Variants in CYTH1 observed in about 807,000 individuals in gnomAD.
CYTH1 encodes the protein cytohesin 1.
Under a neutral mutation model 61.8 loss-of-function variants are expected in CYTH1, and 18 were observed. That is an observed-to-expected ratio of 0.29 (90% CI 0.20 to 0.43). The LOEUF (loss-of-function observed/expected upper bound fraction) is 0.43. Ranked by LOEUF, CYTH1 falls within the 20% of genes least tolerant of loss-of-function variation. The probability of loss-of-function intolerance (pLI) is 1.00; values close to 1 mark genes in which losing one functional copy is unlikely to be tolerated. For synonymous variants in CYTH1, 174 were observed against 184.3 expected (o/e 0.94, Z 0.45); for missense variants, 336 against 510.5 (o/e 0.66, Z 3.29).
chr17:78,675,643 AAT>A lies in CYTH1; in HGVS notation c.*446_*447del. ...CTACGTTCTCTCTTAAAAAAAAAAA[AAT>A]AGATCTTTATAGTATGTGGCTTCTC... On this transcript the variant is annotated 3_prime_UTR_variant, in exon 14 of 14. Transcript: ENST00000446868. The A allele has an allele frequency of 8.8e-6, 3 of 339,604 alleles. No individual in the cohort carries two copies. Among genetic ancestry groups the A allele is most frequent in the East Asian group, 4.6e-5 (1 of 21,806 alleles). 21.0% of individuals were successfully genotyped at this position (339,604 alleles called of 1,614,324 possible).
intron 1 of CYTH1, among the ~76,000 whole-genome samples, chr17:78,710,189 G>A (rs763913872): frequency 6.6e-6 from 1 of 152,162 alleles, no homozygotes; most frequent in Admixed American, 6.5e-5. Context: ...GCAAAGCAAC[G>A]TGTACGAACA....
intron 13 of CYTH1, chr17:78,676,792 CAGCAG>C: frequency 2.8e-6 from 1 of 357,332 alleles, no homozygotes; most frequent in South Asian, 2.1e-5. Flanking sequence ...GCCTCAAAGA[CAGCAG>C]CGCAGGCCGC....
At chr17:78,721,352 TAC>T (rs2093227020) in intron 1 of CYTH1, among the ~76,000 whole-genome samples, 1 of 152,102 alleles carries the variant, frequency 6.6e-6, no homozygotes, top group Non-Finnish European at 1.5e-5. Context: ...TAAAAAAATT[TAC>T]ACACACTACC....
intron 2 of CYTH1, 96 bp downstream of exon 2, chr17:78,709,554 G>A: frequency 7.8e-7 from 1 of 1,287,408 alleles, no homozygotes; most frequent in East Asian, 2.3e-5. Flanking sequence ...GGTCAAAAGT[G>A]TCTTGAGGAG....
chr17:78,699,348 AGT>A (rs1030669609), intron 7 of CYTH1, among the ~76,000 whole-genome samples: 27 of 151,708 alleles, frequency 1.8e-4, no homozygotes, highest in African/African-American at 6.5e-4. Flanking sequence ...TGGGCGACAG[AGT>A]GAGACTCCAT....
At chr17:78,686,970 G>A (rs1208532792) in intron 11 of CYTH1, among the ~76,000 whole-genome samples, 4 of 151,782 alleles carry the variant, frequency 2.6e-5, no homozygotes, top group African/African-American at 9.7e-5. Flanking sequence ...TAGTAGAGAC[G>A]GGGTTTCTCC....
chr17:78,676,328 T>A (rs968907163), intron 13 of CYTH1, 159 bp from the exon 14 acceptor site: 13 of 652,202 alleles, frequency 2.0e-5, no homozygotes, highest in Non-Finnish European at 3.4e-5. Context: ...CCTTGCTGTG[T>A]CCACACAGTG....
chr17:78,705,013 G>A (rs1181853421), intron 3 of CYTH1, among the ~76,000 whole-genome samples: 1 of 152,132 alleles, frequency 6.6e-6, no homozygotes, highest in Non-Finnish European at 1.5e-5. Flanking sequence ...TAAAATGATT[G>A]TCTAATCATT....
chr17:78,753,347 G>A (rs994314481), intron 1 of CYTH1, among the ~76,000 whole-genome samples: 1 of 151,952 alleles, frequency 6.6e-6, no homozygotes, highest in South Asian at 2.1e-4. Context: ...TCACAAGGCC[G>A]GTGCCACAGG....
chr17:78,731,544 G>A (rs2093294046), intron 1 of CYTH1, among the ~76,000 whole-genome samples: 1 of 152,060 alleles, frequency 6.6e-6, no homozygotes, highest in Non-Finnish European at 1.5e-5. Context: ...CAGATCACGA[G>A]GTCAGGAGAT....
chr17:78,690,490 G>T (rs2092872462), intron 11 of CYTH1, among the ~76,000 whole-genome samples: 1 of 144,696 alleles, frequency 6.9e-6, no homozygotes, highest in African/African-American at 2.6e-5. Context: ...GACCAGCCTG[G>T]CCAACATGGT....
chr17:78,763,021 G>A (rs767812131), intron 1 of CYTH1, among the ~76,000 whole-genome samples: 2 of 152,088 alleles, frequency 1.3e-5, no homozygotes, highest in Non-Finnish European at 2.9e-5. Flanking sequence ...ATGTCCGTCC[G>A]GCTGCTTTCT....
rs956684229 is a variant in CYTH1 at position 78,700,531 on chromosome 17, C to CT, written c.438-89dup. On this transcript the variant is annotated intron_variant, in intron 6 of 13. Transcript: ENST00000446868. This position sits in a 1 kb window ranked among gnomAD's most constrained non-coding sequence, Gnocchi z 5.1. ...TTAAACTGCCAATGATTTTTTTTTT[C>CT]TTTTTTTTTTTGAGATGGAGTCTCA... The CT allele has an allele frequency of 0.057, 45,706 of 798,464 alleles. No individual in the cohort carries two copies. The highest frequency in any genetic ancestry group is 0.077 in the East Asian group (1,964 of 25,450). The allele number at this position is 798,464 out of a possible 1,614,324, so 49.5% of individuals were successfully genotyped here.
At chr17:78,742,953 C>G (rs1330663208) in intron 1 of CYTH1, among the ~76,000 whole-genome samples, 1 of 152,188 alleles carries the variant, frequency 6.6e-6, no homozygotes, top group East Asian at 1.9e-4. Context: ...GCCAACTAGA[C>G]AGACATAATG....
chr17:78,701,637 T>G, intron 6 of CYTH1, 34 bp downstream of exon 6: 2 of 1,602,276 alleles, frequency 1.2e-6, no homozygotes, highest in Non-Finnish European at 8.6e-7. Flanking sequence ...AGCCTCCCAC[T>G]CCTTCCAAAG....
At chr17:78,778,665 A>C (rs1445590160) in intron 1 of CYTH1, among the ~76,000 whole-genome samples, 1 of 151,044 alleles carries the variant, frequency 6.6e-6, no homozygotes, top group Non-Finnish European at 1.5e-5. Context: ...AAAAAAAGAA[A>C]GAAAAAGTTT....
rs2092967161 is a variant in CYTH1 at position 78,698,251 on chromosome 17, A to C, written c.811+18T>G. ...CTAAGTCTCAGCTTTAGGAGCCCTG[A>C]CTCAGAGGTGCGCTTACCGAGTTTC... On this transcript the variant is annotated intron_variant, in intron 9 of 13. Coordinates refer to ENST00000446868, the MANE Select transcript of CYTH1 (RefSeq NM_004762.6). 6.3e-7 allele frequency: 1 copy of C among 1,599,350 alleles called. No homozygotes were observed. Among genetic ancestry groups the C allele is most frequent in the Non-Finnish European group, 8.6e-7 (1 of 1,167,100 alleles).
chr17:78,757,521 T>A (rs1156851020), intron 1 of CYTH1, among the ~76,000 whole-genome samples: 2 of 152,168 alleles, frequency 1.3e-5, no homozygotes, highest in Non-Finnish European at 2.9e-5. Flanking sequence ...GAAGCTGCTA[T>A]AATTTTCCCA....
intron 11 of CYTH1, among the ~76,000 whole-genome samples, chr17:78,689,023 G>A (rs578234021): frequency 2.6e-5 from 4 of 152,296 alleles, no homozygotes; most frequent in South Asian, 4.1e-4. Flanking sequence ...AGGGTTGGTG[G>A]ATGGGCTTAC....
Sources: allele counts gnomAD v4.1 joint callset (sites outside exome capture counted in the v4.1 genomes callset), GRCh38; gene constraint gnomAD v4.1.1; non-coding constraint Gnocchi (gnomAD v3.1); transcripts MANE v1.5; gene names NCBI Gene and HGNC (gene_info 2026-07-23, HGNC 2026-07-21).